The following TIAL1 variants were observed in gnomAD, a reference collection of about 807,000 sequenced individuals.
TIAL1 encodes TIA1 cytotoxic granule associated RNA binding protein like 1.
In TIAL1, 7 loss-of-function variants were observed where a neutral mutation model predicts 59.7. The ratio of observed to expected loss-of-function variants is 0.12; its 90% CI spans 0.07 to 0.22. The LOEUF is 0.22. Ranked by LOEUF, TIAL1 falls within the 10% of genes least tolerant of loss-of-function variation. TIAL1 has a pLI of 1.00. For synonymous variants in TIAL1, 149 were observed against 146.3 expected (o/e 1.02, Z -0.13); for missense variants, 225 against 462.5 (o/e 0.49, Z 4.71).
At chr10:119,578,665 A>C (rs778373665) in intron 7 of TIAL1, 61 bp downstream of exon 7, 148 of 1,350,518 alleles carry the variant, frequency 1.1e-4, no homozygotes, top group Non-Finnish European at 1.4e-4. Flanking sequence ...GACTAGATGA[A>C]TACATGATAC....
chr10:119,588,032 T>C, intron 2 of TIAL1, 120 bp downstream of exon 2: 1 of 543,314 alleles, frequency 1.8e-6, no homozygotes, highest in Non-Finnish European at 2.9e-6. Flanking sequence ...ATCAAAGTAA[T>C]AAGTCAACAC....
intron 10 of TIAL1, 86 bp from the exon 11 acceptor site, chr10:119,576,836 T>G: frequency 6.5e-7 from 1 of 1,536,542 alleles, no homozygotes; most frequent in East Asian, 2.2e-5. Flanking sequence ...AGAGAAAAAC[T>G]AAGTAAGCAC....
intron 6 of TIAL1, 39 bp from the exon 7 acceptor site, chr10:119,578,873 G>A: frequency 1.3e-5 from 19 of 1,511,040 alleles, no homozygotes; most frequent in Non-Finnish European, 1.7e-5. Context: ...AAAGAAAAGA[G>A]TGATAAATAA....
rs5788360 is a variant in TIAL1, at chr10:119,574,586, C to CAAAAAAAAAAAAAAAAAAAAAAAAAA, written c.*1078_*1079insTTTTTTTTTTTTTTTTTTTTTTTTTT. The CAAAAAAAAAAAAAAAAAAAAAAAAAA allele has an allele frequency of 2.3e-5, 2 of 86,550 alleles. No homozygotes were observed. The highest frequency in any genetic ancestry group is 4.2e-5 in the Non-Finnish European group (2 of 47,626). The allele number at this position is 86,550 out of a possible 1,614,324, so 5.4% of individuals were successfully genotyped here. ...TATTTACATACCAAGTAATGTAAAGCAAAAAAAAAAAAAAAAAAAAACAAA... is the reference window on the plus strand; with the variant it reads ...TATTTACATACCAAGTAATGTAAAGCAAAAAAAAAAAAAAAAAAAAAAAAAAAAAAAAAAAAAAAAAAAAAAACAAA... On this transcript the variant is annotated 3_prime_UTR_variant, in exon 12 of 12. Transcript: ENST00000436547.
intron 2 of TIAL1, among the ~76,000 whole-genome samples, chr10:119,587,616 T>C (rs139794367): frequency 2.6e-4 from 39 of 149,538 alleles, no homozygotes; most frequent in Admixed American, 8.0e-4. Flanking sequence ...ATCTAGTACA[T>C]AGGAAATAGT....
At position 119,596,851 on chromosome 10, in the gene TIAL1, T is replaced by G; in HGVS notation, c.-386A>C. Reference sequence around the variant, plus strand: ...GGATCACGTCGTCGCTGTGGGCCTCTGGCCGGCCGAAGCCCAGCCAGCTCC... The same window carrying G: ...GGATCACGTCGTCGCTGTGGGCCTCGGGCCGGCCGAAGCCCAGCCAGCTCC... On this transcript the variant is annotated 5_prime_UTR_variant, in exon 1 of 12. Transcript: ENST00000436547. The G allele has an allele frequency of 8.4e-6, 2 of 237,564 alleles. No individual in the cohort carries two copies. Among genetic ancestry groups the G allele is most frequent in the Non-Finnish European group, 1.7e-5 (2 of 119,070 alleles). 14.7% of individuals were successfully genotyped at this position (237,564 alleles called of 1,614,324 possible).
chr10:119,575,468 C>T lies in TIAL1; in HGVS notation c.*197G>A, dbSNP rs1844941430. On this transcript the variant is annotated 3_prime_UTR_variant, in exon 12 of 12. Coordinates refer to ENST00000436547, the MANE Select transcript of TIAL1 (RefSeq NM_003252.4). Reference sequence around the variant, plus strand: ...ACATAAAGAAAAATCATGTTCATATCCATCATGAACAAAAACTTAAAAAGG... The same window carrying T: ...ACATAAAGAAAAATCATGTTCATATTCATCATGAACAAAAACTTAAAAAGG... 2.0e-6 allele frequency: 1 copy of T among 511,146 alleles called. No individual in the cohort carries two copies. The highest frequency in any genetic ancestry group is 3.3e-6 in the Non-Finnish European group (1 of 303,184). 31.7% of individuals were successfully genotyped at this position (511,146 alleles called of 1,614,324 possible). A position where few individuals can be genotyped will look rare whatever the true frequency, so the allele number is the denominator to read the frequency against.
At chr10:119,592,800 CTCT>C (rs1845951478) in intron 1 of TIAL1, among the ~76,000 whole-genome samples, 1 of 152,046 alleles carries the variant, frequency 6.6e-6, no homozygotes, top group African/African-American at 2.4e-5. Context: ...CACTCTCTCT[CTCT>C]TACTTTAAAG....
rs1554862469 is a variant in TIAL1, at chr10:119,574,607, A to AC, written c.*1057dup. Reference sequence around the variant, plus strand: ...AAAGCAAAAAAAAAAAAAAAAAAAAACAAAAACAAAAAACTAATTCCCAAT... The same window carrying AC: ...AAAGCAAAAAAAAAAAAAAAAAAAAACCAAAAACAAAAAACTAATTCCCAAT... On this transcript the variant is annotated 3_prime_UTR_variant, in exon 12 of 12. Coordinates refer to ENST00000436547, the MANE Select transcript of TIAL1 (RefSeq NM_003252.4). 1.4e-5 allele frequency: 2 copies of AC among 148,044 alleles called. No individual in the cohort carries two copies. The highest frequency in any genetic ancestry group is 3.0e-5 in the Non-Finnish European group (2 of 67,114). 9.2% of individuals were successfully genotyped at this position (148,044 alleles called of 1,614,324 possible).
At chr10:119,575,927 C>T (rs1844967125) in intron 11 of TIAL1, 136 bp from the exon 12 acceptor site, 1 of 833,500 alleles carries the variant, frequency 1.2e-6, no homozygotes, top group Admixed American at 3.6e-5. Context: ...ATAGAAAGAT[C>T]AAAGAAATAA....
intron 1 of TIAL1, among the ~76,000 whole-genome samples, chr10:119,593,885 G>T (rs954704237): frequency 3.9e-5 from 6 of 152,146 alleles, no homozygotes; most frequent in African/African-American, 1.4e-4. Flanking sequence ...TCAACAGACT[G>T]CACCACATGT....
chr10:119,592,402 T>C (rs954476161), intron 1 of TIAL1: 1 of 152,292 alleles, frequency 6.6e-6, no homozygotes, highest in East Asian at 1.9e-4. Flanking sequence ...GAAATTCACA[T>C]TGCCAAACTA....
intron 7 of TIAL1, among the ~76,000 whole-genome samples, chr10:119,578,224 CAAAAAAAAAAAAAA>C (rs10541595): frequency 5.2e-5 from 3 of 57,348 alleles, no homozygotes; most frequent in South Asian, 9.5e-4. Context: ...GACTCCACCT[CAAAAAAAAAAAAAA>C]AAAAAAAAAA....
rs2133980046 is a variant in TIAL1 at position 119,574,539 on chromosome 10, G to A, written c.*1126C>T. ...ACAACTTATAGTAACCTTGAAATTG[G>A]TTTACAAGGTTTTAATCAAGGTATT... On this transcript the variant is annotated 3_prime_UTR_variant, in exon 12 of 12. Coordinates refer to ENST00000436547, the MANE Select transcript of TIAL1 (RefSeq NM_003252.4). The A allele has an allele frequency of 8.9e-6, 1 of 112,066 alleles. No homozygotes were observed. Among genetic ancestry groups the A allele is most frequent in the South Asian group, 3.2e-4 (1 of 3,116 alleles). The allele number at this position is 112,066 out of a possible 1,614,324, so 6.9% of individuals were successfully genotyped here.
In TIAL1 at chr10:119,575,656, A is replaced by C. The variant is rs1419855207; in HGVS notation, c.*9T>G. 1 of 1,613,370 alleles carries C rather than the reference A, an allele frequency of 6.2e-7. No homozygotes were observed. Among genetic ancestry groups the C allele is most frequent in the South Asian group, 1.1e-5 (1 of 91,028 alleles). On this transcript the variant is annotated 3_prime_UTR_variant, in exon 12 of 12. Transcript: ENST00000436547. ...ATCATGAATTACAATTTTTTTTTAG[A>C]GTCCCGGCTCACTGTGTTTGGTAAC... is the stretch of plus-strand genomic sequence containing the variant.
chr10:119,577,249 C>T (rs1239093993), intron 9 of TIAL1, 46 bp from the exon 10 acceptor site: 2 of 1,561,598 alleles, frequency 1.3e-6, no homozygotes, highest in Non-Finnish European at 1.7e-6. Context: ...TTTTTAAGAA[C>T]CTAACACAAT....
intron 7 of TIAL1, 79 bp downstream of exon 7, chr10:119,578,647 G>C: frequency 8.0e-7 from 1 of 1,251,684 alleles, no homozygotes; most frequent in Non-Finnish European, 1.2e-6. Context: ...AAATAAATTA[G>C]AAATTGAGAC....
chr10:119,580,978 T>C lies in TIAL1; in HGVS notation c.371+944A>G, dbSNP rs997204033. The stretch of plus-strand genomic sequence containing the variant: ...TTTATATTGATTTTTAAAATAGTAC[T>C]ACTTACCACATTTAGATTAAAAAGC... On this transcript the variant is annotated intron_variant, in intron 5 of 11. Coordinates refer to ENST00000436547, the MANE Select transcript of TIAL1 (RefSeq NM_003252.4). 5 of 232,770 alleles carry C rather than the reference T, an allele frequency of 2.1e-5. No homozygotes were observed. In the South Asian group the frequency reaches 2.9e-4, roughly 14 times the overall value. 14.4% of individuals were successfully genotyped at this position (232,770 alleles called of 1,614,324 possible).
At chr10:119,589,409 T>C (rs1845739495) in intron 1 of TIAL1, among the ~76,000 whole-genome samples, 1 of 152,192 alleles carries the variant, frequency 6.6e-6, no homozygotes, top group Admixed American at 6.5e-5. Flanking sequence ...TTTCACCATG[T>C]TGGCCTGGCT....
Sources: gnomAD v4.1 joint callset for allele counts (sites outside exome capture counted in the v4.1 genomes callset) on GRCh38, gnomAD v4.1.1 for gene constraint, MANE v1.5 for transcripts, NCBI Gene and HGNC (gene_info 2026-07-23, HGNC 2026-07-21) for gene names.